TMEM19: variants seen among roughly 807,000 people sequenced by gnomAD.
TMEM19 encodes transmembrane protein 19.
TMEM19 carries 21 observed loss-of-function variants against 33.6 expected under a neutral mutation model. That is an observed-to-expected ratio of 0.62 (90% CI 0.44 to 0.90). The LOEUF (loss-of-function observed/expected upper bound fraction) is 0.90. Ranked by LOEUF, TMEM19 falls within the 40% of genes least tolerant of loss-of-function variation. The pLI is 0.00. For synonymous variants in TMEM19, 149 were observed against 147.5 expected (o/e 1.01, Z -0.07); for missense variants, 402 against 401.8 (o/e 1.00, Z 0.00).
intron 2 of TMEM19, among the ~76,000 whole-genome samples, chr12:71,692,148 A>G (rs1461804562): frequency 1.3e-5 from 2 of 152,250 alleles, no homozygotes. Flanking sequence ...AAACTATACA[A>G]AAATGTTCAT....
intron 1 of TMEM19, among the ~76,000 whole-genome samples, chr12:71,687,498 A>G (rs935505409): frequency 6.6e-6 from 1 of 152,120 alleles, no homozygotes; most frequent in African/African-American, 2.4e-5. Flanking sequence ...CGGAGGTTGC[A>G]GTGAACCAAG....
Position 71,689,655 on chromosome 12 carries a change from C to G in TMEM19, c.195C>G (p.Val65=), listed in dbSNP as rs762225980. Residue 65 remains valine (V), a synonymous_variant, in exon 2 of 6, where the codon GTC becomes GTG. Coordinates refer to ENST00000266673, the MANE Select transcript of TMEM19 (RefSeq NM_018279.4). ...LFSVVVPVLI[V]SNGLKKKSLD... is the part of the protein sequence containing the mutation. ...CTGTTGTTGTTCCTGTTCTGATCGT[C>G]TCTAATGGCCTTAAAAAGAAAAGTC... 2 of 1,614,048 alleles carry G rather than the reference C, an allele frequency of 1.2e-6. No individual in the cohort carries two copies. The highest frequency in any genetic ancestry group is 1.7e-5 in the Admixed American group (1 of 60,004).
chr12:71,687,534 G>C (rs191604335), intron 1 of TMEM19, among the ~76,000 whole-genome samples: 1 of 151,980 alleles, frequency 6.6e-6, no homozygotes, highest in African/African-American at 2.4e-5. Flanking sequence ...TCCAGCCTGG[G>C]CCACAGAGCG....
Position 71,697,335 on chromosome 12 carries a change from G to A in TMEM19, c.438G>A (p.Leu146=). Residue 146 remains leucine (L), a synonymous_variant, in exon 4 of 6, where the codon CTG becomes CTA. Coordinates refer to ENST00000266673, the MANE Select transcript of TMEM19 (RefSeq NM_018279.4). ...GTAATGGAGCTGTACCCACAGAACT[G>A]GCCCTGCTGTACATGATAGAAAATG... The part of the protein sequence containing the change: ...VFCNGAVPTE[L]ALLYMIENGP... 1 of 1,611,022 alleles carries A rather than the reference G, an allele frequency of 6.2e-7. No individual in the cohort carries two copies. Among genetic ancestry groups the A allele is most frequent in the Non-Finnish European group, 8.5e-7 (1 of 1,179,004 alleles).
intron 2 of TMEM19, among the ~76,000 whole-genome samples, chr12:71,692,662 A>G (rs1035407563): frequency 1.3e-5 from 2 of 152,094 alleles, no homozygotes; most frequent in African/African-American, 4.8e-5. Context: ...ATGTTTCTAA[A>G]AATTATCCTA....
In TMEM19 at chr12:71,705,035, A is replaced by G. The variant is rs1882049056; in HGVS notation, c.*4040A>G. On this transcript the variant is annotated 3_prime_UTR_variant, in exon 6 of 6. Transcript: ENST00000266673. ...CACCATATTCCTGGAGGAAAATACA[A>G]AATGAAAAACCAGTTTGGCTACCTG... The G allele has an allele frequency of 6.6e-6, 1 of 152,234 alleles. No individual in the cohort carries two copies. Among genetic ancestry groups the G allele is most frequent in the South Asian group, 2.1e-4 (1 of 4,834 alleles). 9.4% of individuals were successfully genotyped at this position (152,234 alleles called of 1,614,324 possible). A position where few individuals can be genotyped will look rare whatever the true frequency, so the allele number is the denominator to read the frequency against.
intron 2 of TMEM19, 77 bp downstream of exon 2, chr12:71,689,781 C>T: frequency 1.0e-6 from 1 of 1,000,610 alleles, no homozygotes; most frequent in Non-Finnish European, 1.5e-6. Context: ...TTTCTAAATT[C>T]TGAATATATG....
At position 71,686,446 on chromosome 12, in the gene TMEM19, G is replaced by A. The variant is rs1039735439; in HGVS notation, c.-235G>A. On this transcript the variant is annotated 5_prime_UTR_variant, in exon 1 of 6. Transcript: ENST00000266673. ...GCGACCGGCCCTCACCGTCCGCCGG[G>A]TTGCGCTCTGCTTTTGCGGTGAGGC... The A allele has an allele frequency of 3.9e-5, 15 of 387,462 alleles. No individual in the cohort carries two copies. The highest frequency in any genetic ancestry group is 6.4e-5 in the Non-Finnish European group (14 of 219,470). 24.0% of individuals were successfully genotyped at this position (387,462 alleles called of 1,614,324 possible). A position where few individuals can be genotyped will look rare whatever the true frequency, so the allele number is the denominator to read the frequency against.
chr12:71,691,605 C>CAA (rs57138830), intron 2 of TMEM19, among the ~76,000 whole-genome samples: 915 of 49,508 alleles, frequency 0.018, 95 homozygotes, highest in Non-Finnish European at 0.034. Flanking sequence ...TTCACCTCTA[C>CAA]AAAAAAAAAA....
At position 71,691,605 on chromosome 12, in the gene TMEM19, C is replaced by CAAAAAA. The variant is rs57138830; in HGVS notation, c.244+1929_244+1934dup. 7.7e-4 allele frequency among the ~76,000 whole-genome samples: 38 copies of CAAAAAA among 49,500 alleles called. 1 individual carries two copies. Among genetic ancestry groups the CAAAAAA allele is most frequent in the Non-Finnish European group, 7.9e-4 (17 of 21,574 alleles). The allele number at this position is 49,500 out of a possible 152,430, so 32.5% of individuals were successfully genotyped here. A position where few individuals can be genotyped will look rare whatever the true frequency, so the allele number is the denominator to read the frequency against. ...ACAGCATAATGAGACTTCACCTCTA[C>CAAAAAA]AAAAAAAAAAAAAAAAAAAAAAAAA... On this transcript the variant is annotated intron_variant, in intron 2 of 5. Coordinates refer to ENST00000266673, the MANE Select transcript of TMEM19 (RefSeq NM_018279.4).
intron 2 of TMEM19, among the ~76,000 whole-genome samples, chr12:71,690,174 C>T (rs1881761146): frequency 6.6e-6 from 1 of 151,586 alleles, no homozygotes; most frequent in South Asian, 2.1e-4. Context: ...TTTTTTTTTC[C>T]CGAGACAGTC....
chr12:71,698,882 TG>T lies in TMEM19; in HGVS notation c.638-17del, dbSNP rs760807483. ...GCTGATTATTAACCGGATGATTTTC[TG>T]CATGTTTCTTCTTCAGGTACCAATG... On this transcript the variant is annotated splice_polypyrimidine_tract_variant and intron_variant, in intron 4 of 5. Coordinates refer to ENST00000266673, the MANE Select transcript of TMEM19 (RefSeq NM_018279.4). 7.4e-6 allele frequency: 12 copies of T among 1,611,872 alleles called. No homozygotes were observed. The highest frequency in any genetic ancestry group is 1.0e-5 in the Non-Finnish European group (12 of 1,178,130).
At position 71,696,593 on chromosome 12, in the gene TMEM19, C is replaced by A; in HGVS notation, c.382+20C>A. 6.5e-7 allele frequency: 1 copy of A among 1,549,740 alleles called. No homozygotes were observed. The highest frequency in any genetic ancestry group is 8.7e-7 in the Non-Finnish European group (1 of 1,146,802). Reference sequence around the variant, plus strand: ...AGGAAGGTAAAATTATGTTTGATATCATTCAAAATAGTAAACTTCATTTAA... The same window carrying A: ...AGGAAGGTAAAATTATGTTTGATATAATTCAAAATAGTAAACTTCATTTAA... On this transcript the variant is annotated intron_variant, in intron 3 of 5. Transcript: ENST00000266673.
At chr12:71,698,411 T>G (rs1020513655) in intron 4 of TMEM19, among the ~76,000 whole-genome samples, 4 of 152,072 alleles carry the variant, frequency 2.6e-5, no homozygotes, top group Non-Finnish European at 4.4e-5. Context: ...CACAAAGAAG[T>G]TAGATAAATT....
intron 4 of TMEM19, 147 bp from the exon 5 acceptor site, chr12:71,698,753 T>C: frequency 1.5e-6 from 1 of 689,158 alleles, no homozygotes; most frequent in Non-Finnish European, 2.4e-6. Flanking sequence ...GAGAAAATAC[T>C]GTTTTCTAAA....
chr12:71,686,463 C>G lies in TMEM19; in HGVS notation c.-218C>G. The G allele has an allele frequency of 2.3e-6, 1 of 427,506 alleles. No homozygotes were observed. The highest frequency in any genetic ancestry group is 4.0e-6 in the Non-Finnish European group (1 of 246,992). 26.5% of individuals were successfully genotyped at this position (427,506 alleles called of 1,614,324 possible). On this transcript the variant is annotated 5_prime_UTR_variant, in exon 1 of 6. Transcript: ENST00000266673. ...TCCGCCGGGTTGCGCTCTGCTTTTG[C>G]GGTGAGGCGTTGACCACGCCCATAT...
At chr12:71,699,491 G>A (rs532228686) in intron 5 of TMEM19, 1 of 296,846 alleles carries the variant, frequency 3.4e-6, no homozygotes, top group Non-Finnish European at 6.3e-6. Flanking sequence ...CTATACACAC[G>A]ACCTACTTTC....
chr12:71,689,801 A>G (rs1881754660), intron 2 of TMEM19, 97 bp downstream of exon 2: 6 of 798,650 alleles, frequency 7.5e-6, no homozygotes, highest in Middle Eastern at 6.2e-4. Flanking sequence ...GAGACTGACT[A>G]CAAATCACAG....
rs1205277784 is a variant in TMEM19, at chr12:71,701,317, A to G, written c.*322A>G. The G allele has an allele frequency of 5.6e-6, 1 of 179,830 alleles. No individual in the cohort carries two copies. The highest frequency in any genetic ancestry group is 1.2e-5 in the Non-Finnish European group (1 of 86,004). The allele number at this position is 179,830 out of a possible 1,614,324, so 11.1% of individuals were successfully genotyped here. A position where few individuals can be genotyped will look rare whatever the true frequency, so the allele number is the denominator to read the frequency against. Reference sequence around the variant, plus strand: ...CATAATCAATGTCAAGTTTTGTCTTATTTTGTTTTGTTTGTTTAAACCAGT... The same window carrying G: ...CATAATCAATGTCAAGTTTTGTCTTGTTTTGTTTTGTTTGTTTAAACCAGT... On this transcript the variant is annotated 3_prime_UTR_variant, in exon 6 of 6. Transcript: ENST00000266673.
Sources: gnomAD v4.1 joint callset for allele counts (sites outside exome capture counted in the v4.1 genomes callset) on GRCh38, gnomAD v4.1.1 for gene constraint, MANE v1.5 for transcripts, NCBI Gene and HGNC (gene_info 2026-07-23, HGNC 2026-07-21) for gene names.